EFCAB6: variants seen among roughly 807,000 people sequenced by gnomAD.
EFCAB6 encodes EF-hand calcium binding domain 6.
Under a neutral mutation model 169.8 loss-of-function variants are expected in EFCAB6, and 156 were observed. The observed-to-expected ratio is 0.92, with a 90% CI of 0.81 to 1.05. The LOEUF (loss-of-function observed/expected upper bound fraction) is 1.05. Among genes scored for constraint, EFCAB6 ranks in the 50% least tolerant of loss-of-function variants. The pLI, the probability that EFCAB6 is intolerant of heterozygous loss-of-function variation, is 0.00. For synonymous variants in EFCAB6, 698 were observed against 676.4 expected (o/e 1.03, Z -0.50); for missense variants, 1,800 against 1,829.1 (o/e 0.98, Z 0.29).
intron 6 of EFCAB6, among the ~76,000 whole-genome samples, chr22:43,749,990 G>A (rs1343513818): frequency 6.6e-6 from 1 of 152,156 alleles, no homozygotes; most frequent in Non-Finnish European, 1.5e-5. Flanking sequence ...CAGAGAGTCC[G>A]TGTTGGTGTT....
intron 23 of EFCAB6, among the ~76,000 whole-genome samples, chr22:43,597,518 G>A (rs2052108341): frequency 6.6e-6 from 1 of 152,268 alleles, no homozygotes; most frequent in South Asian, 2.1e-4. Context: ...TGATCATCAG[G>A]GAAACGCAAG....
intron 22 of EFCAB6, among the ~76,000 whole-genome samples, chr22:43,601,896 C>T (rs2052550344): frequency 6.6e-6 from 1 of 152,222 alleles, no homozygotes; most frequent in South Asian, 2.1e-4. Context: ...CCTGCAGGTC[C>T]CCACTCCTCT....
intron 2 of EFCAB6, among the ~76,000 whole-genome samples, chr22:43,793,529 T>C (rs1569492468): frequency 6.6e-6 from 1 of 152,204 alleles, no homozygotes; most frequent in Non-Finnish European, 1.5e-5. Flanking sequence ...GAAAGAAATA[T>C]AACCCACCCT....
At position 43,590,133 on chromosome 22, in the gene EFCAB6, T is replaced by A. The variant is rs1330844035; in HGVS notation, c.2973A>T (p.Glu991Asp). Reference sequence around the variant, plus strand: ...GAGAACATCCACATTCTTCCAGCACTTCCTGCATCTTGCATATGGATATGT... The same window carrying A: ...GAGAACATCCACATTCTTCCAGCACATCCTGCATCTTGCATATGGATATGT... ...TNYISICKMQ[E>D]VLEECGCSLT... is the part of the protein sequence containing the mutation. The change falls in exon 24 of 32, where the codon GAA becomes GAT. Residue 991 changes from glutamate to aspartate, a missense_variant. Coordinates refer to ENST00000262726, the MANE Select transcript of EFCAB6 (RefSeq NM_022785.4). 6.2e-7 allele frequency: 1 copy of A among 1,614,208 alleles called. No homozygotes were observed. The highest frequency in any genetic ancestry group is 1.3e-5 in the African/African-American group (1 of 75,064).
intron 11 of EFCAB6, among the ~76,000 whole-genome samples, chr22:43,684,989 T>A (rs529087189): frequency 1.6e-4 from 24 of 152,036 alleles, no homozygotes; most frequent in African/African-American, 5.8e-4. Flanking sequence ...AAGATCAAAA[T>A]CTCTAAATTC....
chr22:43,583,064 A>G (rs144013951), intron 24 of EFCAB6, among the ~76,000 whole-genome samples: 43 of 151,728 alleles, frequency 2.8e-4, no homozygotes, highest in Non-Finnish European at 4.7e-4. Flanking sequence ...CTACTAACTG[A>G]CCACAGTTTA....
Position 43,576,315 on chromosome 22 carries a change from A to G in EFCAB6, c.3402T>C (p.Phe1134=), listed in dbSNP as rs748800254. 11 of 1,589,010 alleles carry G rather than the reference A, an allele frequency of 6.9e-6. No individual in the cohort carries two copies. The Admixed American group carries it at 2.1e-4, about 31-fold the overall frequency. ...TTCTTACCTCCTCAAGGAAACAGCT[A>G]AAGTTCTGGAGAAAATATTTCCAAT... is the stretch of plus-strand genomic sequence containing the variant. The part of the protein sequence containing the change: ...YINWKYFLQN[F]SCFLEETADE... The change falls in exon 26 of 32, where the codon TTT becomes TTC. Residue 1134 remains phenylalanine (F), a synonymous_variant. Transcript: ENST00000262726.
At chr22:43,602,320 CCTCAGAAAG>C (rs1345911669) in intron 22 of EFCAB6, among the ~76,000 whole-genome samples, 2 of 152,252 alleles carry the variant, frequency 1.3e-5, no homozygotes, top group Non-Finnish European at 2.9e-5. Context: ...GACAACACAG[CCTCAGAAAG>C]AGGCCTGTGG....
At position 43,668,993 on chromosome 22, in the gene EFCAB6, G is replaced by T; in HGVS notation, c.1693C>A (p.Leu565Ile). The change falls in exon 16 of 32, where the codon CTT (leucine) becomes ATT (isoleucine). Residue 565 changes from leucine (L) to isoleucine (I), a missense_variant. Physicochemically the swap from Leu to Ile is conservative, Grantham distance 5. Transcript: ENST00000262726. Reference sequence around the variant, plus strand: ...CCATCAATTCCTATGCATGCCAAAAGTTTCTTGTAAAGGATTCTTCCTGAA... The same window carrying T: ...CCATCAATTCCTATGCATGCCAAAATTTTCTTGTAAAGGATTCTTCCTGAA... ...IGSGRILYKKLLACIGIDGPP... is the reference protein window; with the variant it reads ...IGSGRILYKKILACIGIDGPP... 6.2e-7 allele frequency: 1 copy of T among 1,612,172 alleles called. No individual in the cohort carries two copies. Among genetic ancestry groups the T allele is most frequent in the East Asian group, 2.2e-5 (1 of 44,802 alleles).
chr22:43,598,324 A>AAAAAC, intron 23 of EFCAB6, among the ~76,000 whole-genome samples: 1 of 149,148 alleles, frequency 6.7e-6, no homozygotes, highest in East Asian at 2.0e-4. Context: ...AAAAAAAAAA[A>AAAAAC]AAAAAAAAAA....
chr22:43,735,952 G>A lies in EFCAB6; in HGVS notation c.549C>T (p.Leu183=), dbSNP rs141268202. 6.2e-7 allele frequency: 1 copy of A among 1,613,968 alleles called. No homozygotes were observed. The highest frequency in any genetic ancestry group is 1.3e-5 in the African/African-American group (1 of 74,998). The change falls in exon 7 of 32, where the codon CTC becomes CTT. Residue 183 remains leucine, a synonymous_variant. Transcript: ENST00000262726. Reference sequence around the variant, plus strand: ...CCAGTCCAGTCTTGTTAACATCAATGAGCTCAAAGGCTTTCATAACAGTCT... The same window carrying A: ...CCAGTCCAGTCTTGTTAACATCAATAAGCTCAAAGGCTTTCATAACAGTCT... ...NIKTVMKAFE[L]IDVNKTGLVR... is the part of the protein sequence containing the mutation.
At chr22:43,563,049 C>T (rs2049169811) in intron 26 of EFCAB6, among the ~76,000 whole-genome samples, 1 of 152,204 alleles carries the variant, frequency 6.6e-6, no homozygotes, top group Non-Finnish European at 1.5e-5. Context: ...GCCTGCGGCA[C>T]CAGGGCCAGA....
chr22:43,586,517 G>A (rs1411406105), intron 24 of EFCAB6, among the ~76,000 whole-genome samples: 1 of 151,828 alleles, frequency 6.6e-6, no homozygotes. Context: ...AGGGACGTAA[G>A]AGTCATGCAT....
intron 23 of EFCAB6, among the ~76,000 whole-genome samples, chr22:43,590,953 G>A (rs917661906): frequency 3.3e-5 from 5 of 152,036 alleles, no homozygotes; most frequent in Admixed American, 6.5e-5. Context: ...GGGCAAGGGA[G>A]TGCCAGAGAC....
At chr22:43,783,208 T>C (rs746001396) in intron 2 of EFCAB6, among the ~76,000 whole-genome samples, 26 of 152,218 alleles carry the variant, frequency 1.7e-4, no homozygotes, top group Non-Finnish European at 3.5e-4. Flanking sequence ...GAGGCAATTG[T>C]TGTTTAAAAT....
intron 25 of EFCAB6, among the ~76,000 whole-genome samples, chr22:43,579,602 GCATGCAGGCATCATTCCCTA>G (rs2050567864): frequency 5.5e-5 from 3 of 54,700 alleles, no homozygotes; most frequent in East Asian, 6.4e-4. Context: ...ATCATTCCCT[GCATGCAGGCATCATTCCCTA>G]CATGCAAGCA....
At chr22:43,720,476 C>T (rs913994650) in intron 8 of EFCAB6, among the ~76,000 whole-genome samples, 4 of 152,058 alleles carry the variant, frequency 2.6e-5, no homozygotes, top group East Asian at 3.9e-4. Flanking sequence ...CATGCCATTG[C>T]GCTCCAGCCT....
chr22:43,801,257 C>G (rs932400834), intron 2 of EFCAB6, among the ~76,000 whole-genome samples: 1 of 152,042 alleles, frequency 6.6e-6, no homozygotes, highest in African/African-American at 2.4e-5. Flanking sequence ...ATATGAAGAA[C>G]AGATAAAGTC....
chr22:43,731,677 T>C lies in EFCAB6; in HGVS notation c.757+22A>G, dbSNP rs561280644. ...GCCAAAAGATATTGAAATCTTTAGCTATATACTTTAAAAATACTTACCTTG... is the reference window on the plus strand; with the variant it reads ...GCCAAAAGATATTGAAATCTTTAGCCATATACTTTAAAAATACTTACCTTG... On this transcript the variant is annotated intron_variant, in intron 8 of 31. Coordinates refer to ENST00000262726, the MANE Select transcript of EFCAB6 (RefSeq NM_022785.4). 2.8e-5 allele frequency: 40 copies of C among 1,430,266 alleles called. No individual in the cohort carries two copies. In the South Asian group the frequency reaches 4.8e-4, roughly 17 times the overall value. The allele number at this position is 1,430,266 out of a possible 1,614,324, so 88.6% of individuals were successfully genotyped here. A position where few individuals can be genotyped will look rare whatever the true frequency, so the allele number is the denominator to read the frequency against.
Sources: gnomAD v4.1 joint callset for allele counts (sites outside exome capture counted in the v4.1 genomes callset) on GRCh38, gnomAD v4.1.1 for gene constraint, MANE v1.5 for transcripts, NCBI Gene and HGNC (gene_info 2026-07-23, HGNC 2026-07-21) for gene names.